The following ENAH variants were observed in gnomAD, a reference collection of about 807,000 sequenced individuals.
The protein encoded by ENAH is ENAH actin regulator.
ENAH carries 23 observed loss-of-function variants against 78.7 expected under a neutral mutation model. That is an observed-to-expected ratio of 0.29 (90% confidence interval 0.21 to 0.41). The LOEUF (loss-of-function observed/expected upper bound fraction) is 0.41, where lower values mean the gene tolerates loss of function less well. ENAH is among the 10% of genes least tolerant of loss of function. ENAH has a pLI of 1.00. For missense variants in ENAH, 544 were observed against 691.0 expected (o/e 0.79, Z 2.39); for synonymous variants, 226 against 241.0 (o/e 0.94, Z 0.58).
At chr1:225,507,890 A>T in intron 11 of ENAH, 61 bp downstream of exon 11, 1 of 1,209,282 alleles carries the variant, frequency 8.3e-7, no homozygotes, top group Admixed American at 2.7e-5. Context: ...TTCTACACTA[A>T]GAATGCATTA....
intron 5 of ENAH, 135 bp downstream of exon 5, chr1:225,519,063 A>G (rs2096444604): frequency 7.6e-7 from 1 of 1,310,712 alleles, no homozygotes; most frequent in Non-Finnish European, 1.0e-6. Context: ...TAATTGCTGC[A>G]TATTTATTCA....
At chr1:225,562,782 C>A (rs2096714914) in intron 2 of ENAH, among the ~76,000 whole-genome samples, 1 of 151,062 alleles carries the variant, frequency 6.6e-6, no homozygotes, top group Non-Finnish European at 1.5e-5. Context: ...CAACATGTGC[C>A]CACTTAGAAC....
intron 3 of ENAH, among the ~76,000 whole-genome samples, chr1:225,534,420 CTTTT>C (rs1219232136): frequency 6.6e-6 from 1 of 151,744 alleles, no homozygotes; most frequent in East Asian, 1.9e-4. Flanking sequence ...TTCCTTTTTT[CTTTT>C]TTTTATTTTA....
chr1:225,516,920 G>A (rs944740055), intron 6 of ENAH, among the ~76,000 whole-genome samples: 3 of 151,224 alleles, frequency 2.0e-5, no homozygotes, highest in African/African-American at 4.9e-5. Context: ...TGTATTATGA[G>A]GGGCTCTTAA....
intron 3 of ENAH, among the ~76,000 whole-genome samples, chr1:225,550,604 C>T (rs1475047668): frequency 3.3e-5 from 5 of 151,942 alleles, no homozygotes; most frequent in Non-Finnish European, 7.4e-5. Flanking sequence ...TGTGATAAAA[C>T]TCATACAAAT....
At chr1:225,653,838 T>C (rs1325018448), upstream of ENAH, among the ~76,000 whole-genome samples, 4 of 152,176 alleles carry the variant, frequency 2.6e-5, no homozygotes, top group East Asian at 1.9e-4. This position sits in a 1 kb window ranked among gnomAD's most constrained non-coding sequence, Gnocchi z 4.3. Flanking sequence ...ATGGAAAATA[T>C]GGTCATCATT....
intron 1 of ENAH, among the ~76,000 whole-genome samples, chr1:225,619,083 A>G (rs1656330480): frequency 6.6e-6 from 1 of 152,218 alleles, no homozygotes; most frequent in Non-Finnish European, 1.5e-5. Flanking sequence ...CACTGCATAT[A>G]CAACCCAGTA....
chr1:225,488,593 A>T lies in ENAH; in HGVS notation c.*9182T>A, dbSNP rs2096209487. The T allele has an allele frequency of 1.3e-5, 2 of 152,212 alleles. No homozygotes were observed. Among genetic ancestry groups the T allele is most frequent in the Non-Finnish European group, 2.9e-5 (2 of 68,032 alleles). The allele number at this position is 152,212 out of a possible 1,614,324, so 9.4% of individuals were successfully genotyped here. The stretch of plus-strand genomic sequence containing the variant: ...CAGAAATACTTTGCATCAACTACAG[A>T]TGTCTCAAAATAGAATTCTTTCTAG... On this transcript the variant is annotated 3_prime_UTR_variant, in exon 14 of 14. Coordinates refer to ENST00000366843, the MANE Select transcript of ENAH (RefSeq NM_018212.6).
chr1:225,635,475 C>A (rs141057685), intron 1 of ENAH, among the ~76,000 whole-genome samples: 49 of 152,326 alleles, frequency 3.2e-4, no homozygotes, highest in African/African-American at 1.2e-3. Context: ...ACTGTGGAAT[C>A]TTTGCATATA....
intron 2 of ENAH, among the ~76,000 whole-genome samples, chr1:225,560,695 C>T (rs1202884808): frequency 3.3e-5 from 5 of 152,084 alleles, no homozygotes; most frequent in Admixed American, 1.3e-4. Context: ...GTGGGGGTGT[C>T]ACAATTCCTT....
chr1:225,503,561 C>A (rs1245341642), intron 11 of ENAH, among the ~76,000 whole-genome samples: 1 of 150,216 alleles, frequency 6.7e-6, no homozygotes, highest in African/African-American at 2.5e-5. Context: ...TAGGCATGAG[C>A]CATGGCACCC....
At chr1:225,639,868 T>C (rs1660723902) in intron 1 of ENAH, among the ~76,000 whole-genome samples, 2 of 152,146 alleles carry the variant, frequency 1.3e-5, no homozygotes, top group Non-Finnish European at 2.9e-5. Context: ...TGTACCCGTG[T>C]CCTCAAAGAC....
intron 3 of ENAH, among the ~76,000 whole-genome samples, chr1:225,538,063 T>G (rs1461737986): frequency 1.3e-5 from 2 of 152,204 alleles, no homozygotes; most frequent in Admixed American, 1.3e-4. Flanking sequence ...ATGAGATGTT[T>G]GCTTAAAGAC....
intron 9 of ENAH, 105 bp from the exon 10 acceptor site, chr1:225,511,964 ACTTTCT>A (rs1166210933): frequency 1.5e-6 from 1 of 645,712 alleles, no homozygotes; most frequent in African/African-American, 1.9e-5. Flanking sequence ...GCCACTCCCC[ACTTTCT>A]CTTTCATCGG....
At chr1:225,545,643 T>C (rs2096609338) in intron 3 of ENAH, among the ~76,000 whole-genome samples, 1 of 152,212 alleles carries the variant, frequency 6.6e-6, no homozygotes, top group Non-Finnish European at 1.5e-5. Context: ...TCCAGACAGC[T>C]AGATTATTTC....
At chr1:225,597,562 C>T (rs1404759042) in intron 1 of ENAH, among the ~76,000 whole-genome samples, 1 of 149,098 alleles carries the variant, frequency 6.7e-6, no homozygotes, top group Non-Finnish European at 1.5e-5. Flanking sequence ...GAGCCCGAGA[C>T]AGGAGGATCA....
intron 1 of ENAH, among the ~76,000 whole-genome samples, chr1:225,572,239 C>T (rs756486958): frequency 4.6e-5 from 7 of 152,026 alleles, no homozygotes; most frequent in African/African-American, 1.2e-4. Flanking sequence ...ATACTAACTC[C>T]GATTACAGGT....
At chr1:225,522,171 G>C (rs140434822) in intron 4 of ENAH, among the ~76,000 whole-genome samples, 311 of 152,286 alleles carry the variant, frequency 2.0e-3, no homozygotes, top group African/African-American at 7.1e-3. Context: ...TCTAGTTAGA[G>C]ACAAAGCTAA....
intron 1 of ENAH, among the ~76,000 whole-genome samples, chr1:225,576,999 G>A (rs2096791384): frequency 6.6e-6 from 1 of 152,052 alleles, no homozygotes; most frequent in African/African-American, 2.4e-5. Flanking sequence ...GCTGGGCAGG[G>A]TGGCAGGCAC....
Sources: allele counts gnomAD v4.1 joint callset (sites outside exome capture counted in the v4.1 genomes callset), GRCh38; gene constraint gnomAD v4.1.1; non-coding constraint Gnocchi (gnomAD v3.1); transcripts MANE v1.5; gene names NCBI Gene and HGNC (gene_info 2026-07-23, HGNC 2026-07-21).